Variants in FNDC5 observed in about 807,000 individuals in gnomAD.
FNDC5 encodes the protein fibronectin type III domain-containing protein 5.
FNDC5 carries 10 observed loss-of-function variants against 24.6 expected under a neutral mutation model. The ratio of observed to expected loss-of-function variants is 0.41; its 90% CI spans 0.25 to 0.69. The LOEUF (loss-of-function observed/expected upper bound fraction) is 0.69, where lower values mean the gene tolerates loss of function less well. FNDC5 is among the 30% of genes least tolerant of loss of function. The pLI is 0.34. For missense variants in FNDC5, 226 were observed against 282.9 expected (o/e 0.80, Z 1.44); for synonymous variants, 90 against 110.7 (o/e 0.81, Z 1.18).
At chr1:32,871,435 C>G (rs553196661), upstream of FNDC5, among the ~76,000 whole-genome samples, 87 of 152,334 alleles carry the variant, frequency 5.7e-4, no homozygotes, top group Non-Finnish European at 9.1e-4. Context: ...CTCTGTCTCA[C>G]TGGAGAGTCC....
At position 32,864,455 on chromosome 1, in the gene FNDC5, T is replaced by TC. The variant is rs1641030617; in HGVS notation, c.634-157dup. On this transcript the variant is annotated intron_variant, in intron 5 of 5. Coordinates refer to ENST00000373471, the MANE Select transcript of FNDC5 (RefSeq NM_153756.3). ...CCCACTCACTGCTTTTTTTTTTTTT[T>TC]CTTCAAATCACCACTGGCCCCTGGC... 2.7e-6 allele frequency: 4 copies of TC among 1,473,720 alleles called. No homozygotes were observed. The South Asian group carries it at 5.6e-5, about 21-fold the overall frequency. 91.3% of individuals were successfully genotyped at this position (1,473,720 alleles called of 1,614,324 possible).
chr1:32,868,832 C>G lies in FNDC5; in HGVS notation c.210+50G>C. 4 of 1,169,650 alleles carry G rather than the reference C, an allele frequency of 3.4e-6. No homozygotes were observed. Among genetic ancestry groups the G allele is most frequent in the Non-Finnish European group, 4.3e-6 (4 of 920,590 alleles). The allele number at this position is 1,169,650 out of a possible 1,614,324, so 72.5% of individuals were successfully genotyped here. A position where few individuals can be genotyped will look rare whatever the true frequency, so the allele number is the denominator to read the frequency against. ...ACTGCCACACTCCTACCCCCATCTGCCACTACTGTCTTGATGTGTCCTTCC... is the reference window on the plus strand; with the variant it reads ...ACTGCCACACTCCTACCCCCATCTGGCACTACTGTCTTGATGTGTCCTTCC... On this transcript the variant is annotated intron_variant, in intron 2 of 5. Coordinates refer to ENST00000373471, the MANE Select transcript of FNDC5 (RefSeq NM_153756.3). The surrounding 1 kb of genome is among the most constrained non-coding windows in gnomAD (Gnocchi z 4.8).
intron 3 of FNDC5, 58 bp from the exon 4 acceptor site, chr1:32,867,900 G>A: frequency 6.5e-7 from 1 of 1,542,064 alleles, no homozygotes; most frequent in Non-Finnish European, 9.0e-7. Flanking sequence ...CACTCCTCTA[G>A]GGCCAAGCCC....
rs1569993380 is a variant in FNDC5, at chr1:32,868,498, A to C, written c.211-110T>G. The C allele has an allele frequency of 8.5e-7, 1 of 1,172,312 alleles. No homozygotes were observed. Among genetic ancestry groups the C allele is most frequent in the Non-Finnish European group, 1.2e-6 (1 of 841,188 alleles). The allele number at this position is 1,172,312 out of a possible 1,614,324, so 72.6% of individuals were successfully genotyped here. ...CATACACAATCTTCATCATTCCATC[A>C]CCTCCGCTATCAATATCTCCATTTT... On this transcript the variant is annotated intron_variant, in intron 2 of 5. Transcript: ENST00000373471. The surrounding 1 kb of genome is among the most constrained non-coding windows in gnomAD (Gnocchi z 4.8).
rs1046936983 is a variant in FNDC5, at chr1:32,863,432, C to T, written c.*862G>A. ...TCCTTGTGCTTGTCATCTCCCAGGG[C>T]TTTGTGCATTTTCTCAAAGAGGAAG... is the stretch of plus-strand genomic sequence containing the variant. On this transcript the variant is annotated 3_prime_UTR_variant, in exon 6 of 6. Transcript: ENST00000373471. 1.2e-4 allele frequency: 33 copies of T among 285,792 alleles called. No individual in the cohort carries two copies. Among genetic ancestry groups the T allele is most frequent in the Non-Finnish European group, 2.0e-4 (28 of 142,728 alleles). The allele number at this position is 285,792 out of a possible 1,614,324, so 17.7% of individuals were successfully genotyped here.
At chr1:32,866,773 G>A (rs1308237438) in intron 4 of FNDC5, among the ~76,000 whole-genome samples, 3 of 152,208 alleles carry the variant, frequency 2.0e-5, no homozygotes, top group African/African-American at 7.2e-5. Flanking sequence ...CGCCCAGATA[G>A]TTCTTTGCAA....
chr1:32,870,726 G>C lies in FNDC5; in HGVS notation c.21C>G (p.Ser7Arg), dbSNP rs1641165652. The C allele has an allele frequency of 2.6e-6, 3 of 1,172,004 alleles. 1 individual carries two copies. The highest frequency in any genetic ancestry group is 6.9e-4 in the Middle Eastern group (2 of 2,890). The allele number at this position is 1,172,004 out of a possible 1,614,324, so 72.6% of individuals were successfully genotyped here. A position where few individuals can be genotyped will look rare whatever the true frequency, so the allele number is the denominator to read the frequency against. ...CGGCGCGGGCGCGGGGCGGCCAGGC[G>C]CTCGGCGACCCGGGGTGTATGGTGG... Residue 7 changes from serine to arginine, a missense_variant, in exon 1 of 6, where the codon AGC becomes AGG. Transcript: ENST00000373471.
chr1:32,871,211 G>A (rs1181308235), upstream of FNDC5, among the ~76,000 whole-genome samples: 2 of 151,474 alleles, frequency 1.3e-5, no homozygotes, highest in African/African-American at 4.9e-5. Flanking sequence ...GTAGAGAGAG[G>A]ACAAGTGCCA....
rs376090198 is a variant in FNDC5, at chr1:32,868,352, C to T, written c.247G>A (p.Val83Met). Residue 83 changes from valine to methionine, a missense_variant, in exon 3 of 6, where the codon GTG becomes ATG. Coordinates refer to ENST00000373471, the MANE Select transcript of FNDC5 (RefSeq NM_153756.3). The surrounding 1 kb of genome is among the most constrained non-coding windows in gnomAD (Gnocchi z 4.8). ...GCACATGAGCGGGTGGTGGTGTTCA[C>T]CTCCTGGATGAAGCGCAGCATCCGC... is the stretch of plus-strand genomic sequence containing the variant. 148 of 1,614,202 alleles carry T rather than the reference C, an allele frequency of 9.2e-5. No individual in the cohort carries two copies. The Middle Eastern group carries it at 1.2e-3, about 13-fold the overall frequency.
chr1:32,867,011 G>A (rs1382488044), intron 4 of FNDC5, among the ~76,000 whole-genome samples: 1 of 152,146 alleles, frequency 6.6e-6, no homozygotes, highest in Admixed American at 6.5e-5. Flanking sequence ...GATCACTTGA[G>A]CCCAGGAGGT....
Position 32,864,944 on chromosome 1 carries a change from T to A in FNDC5, c.500-147A>T. On this transcript the variant is annotated intron_variant, in intron 4 of 5. Coordinates refer to ENST00000373471, the MANE Select transcript of FNDC5 (RefSeq NM_153756.3). ...CCCTCCCTCTGCCCTCTGGCTCCTG[T>A]TTTCACCTGTGCCCTCACCAACCAC... is the stretch of plus-strand genomic sequence containing the variant. 3 of 1,230,674 alleles carry A rather than the reference T, an allele frequency of 2.4e-6. No individual in the cohort carries two copies. The South Asian group carries it at 4.6e-5, about 19-fold the overall frequency. 76.2% of individuals were successfully genotyped at this position (1,230,674 alleles called of 1,614,324 possible). A position where few individuals can be genotyped will look rare whatever the true frequency, so the allele number is the denominator to read the frequency against.
intron 1 of FNDC5, among the ~76,000 whole-genome samples, chr1:32,869,492 C>A (rs985467012): frequency 3.3e-4 from 50 of 152,216 alleles, no homozygotes; most frequent in African/African-American, 1.0e-3. Flanking sequence ...GAGCCCTGGA[C>A]TGGGAGTGAG....
rs1325223387 is a variant in FNDC5 at position 32,863,208 on chromosome 1, T to A, written c.*1086A>T. ...GGGGGAATTTCTCTGCCCTCTAGAA[T>A]GCAGCCTTCTGATTTTTGTTTTCCA... On this transcript the variant is annotated 3_prime_UTR_variant, in exon 6 of 6. Transcript: ENST00000373471. 1 of 156,034 alleles carries A rather than the reference T, an allele frequency of 6.4e-6. No homozygotes were observed. The highest frequency in any genetic ancestry group is 1.4e-5 in the Non-Finnish European group (1 of 70,200). The allele number at this position is 156,034 out of a possible 1,614,324, so 9.7% of individuals were successfully genotyped here. A position where few individuals can be genotyped will look rare whatever the true frequency, so the allele number is the denominator to read the frequency against.
At position 32,867,794 on chromosome 1, in the gene FNDC5, C is replaced by G; in HGVS notation, c.458G>C (p.Gly153Ala). 2.5e-6 allele frequency: 4 copies of G among 1,614,092 alleles called. No homozygotes were observed. Among genetic ancestry groups the G allele is most frequent in the Non-Finnish European group, 3.4e-6 (4 of 1,180,010 alleles). Residue 153 changes from glycine to alanine, a missense_variant, in exon 4 of 6, where the codon GGC (glycine) becomes GCC (alanine). Coordinates refer to ENST00000373471, the MANE Select transcript of FNDC5 (RefSeq NM_153756.3). ...GACCACGACGATGATCAGCACCTCG[C>G]CTGTCCGCAGCTGTTGGTTCCTCCC...
At chr1:32,871,903 T>G (rs1296190444), upstream of FNDC5, among the ~76,000 whole-genome samples, 1 of 152,186 alleles carries the variant, frequency 6.6e-6, no homozygotes, top group African/African-American at 2.4e-5. Flanking sequence ...GAGAGAGGCA[T>G]GGACCAGGGC....
intron 3 of FNDC5, 23 bp from the exon 4 acceptor site, chr1:32,867,865 TCC>T (rs774389746): frequency 4.7e-5 from 75 of 1,610,444 alleles, no homozygotes; most frequent in African/African-American, 6.7e-5. Context: ...AGACACTAGA[TCC>T]AGCACTCCTT....
At chr1:32,865,480 T>C (rs1056709448) in intron 4 of FNDC5, among the ~76,000 whole-genome samples, 3 of 151,650 alleles carry the variant, frequency 2.0e-5, no homozygotes, top group Non-Finnish European at 4.4e-5. Context: ...GGTGAAACCC[T>C]GTCTACTAAA....
In FNDC5 at chr1:32,870,671, A is replaced by G; in HGVS notation, c.76T>C (p.Phe26Leu). 2 of 1,206,522 alleles carry G rather than the reference A, an allele frequency of 1.7e-6. No individual in the cohort carries two copies. Among genetic ancestry groups the G allele is most frequent in the Non-Finnish European group, 2.1e-6 (2 of 971,736 alleles). 74.7% of individuals were successfully genotyped at this position (1,206,522 alleles called of 1,614,324 possible). The change falls in exon 1 of 6, where the codon TTC (phenylalanine) becomes CTC (leucine). Residue 26 changes from phenylalanine to leucine, a missense_variant. Transcript: ENST00000373471. ...CCCTTACCCGCCTGCACCAGCGCGAAGCAGACGCAGCCCAGCCACAGGCGG... is the reference window on the plus strand; with the variant it reads ...CCCTTACCCGCCTGCACCAGCGCGAGGCAGACGCAGCCCAGCCACAGGCGG...
At chr1:32,867,647 A>C in intron 4 of FNDC5, 106 bp downstream of exon 4, 1 of 1,059,968 alleles carries the variant, frequency 9.4e-7, no homozygotes, top group Non-Finnish European at 1.4e-6. Flanking sequence ...TTCACCTTAG[A>C]GATGTCCAAA....
Sources: allele counts gnomAD v4.1 joint callset (sites outside exome capture counted in the v4.1 genomes callset), GRCh38; gene constraint gnomAD v4.1.1; non-coding constraint Gnocchi (gnomAD v3.1); transcripts MANE v1.5; gene names NCBI Gene and HGNC (gene_info 2026-07-23, HGNC 2026-07-21).